WIF1: variants seen among roughly 807,000 people sequenced by gnomAD.
WIF1 encodes Wnt inhibitory factor 1.
In WIF1, 35 loss-of-function variants were observed where a neutral mutation model predicts 53.5. The ratio of observed to expected loss-of-function variants is 0.65; its 90% CI spans 0.50 to 0.87. WIF1 has a LOEUF of 0.87. WIF1 is among the 40% of genes least tolerant of loss of function. WIF1 has a pLI of 0.00. For missense variants in WIF1, 467 were observed against 476.8 expected (o/e 0.98, Z 0.19); for synonymous variants, 171 against 170.4 (o/e 1.00, Z -0.03).
intron 9 of WIF1, among the ~76,000 whole-genome samples, chr12:65,051,777 G>A (rs1017335152): frequency 2.0e-5 from 3 of 152,186 alleles, no homozygotes; most frequent in African/African-American, 4.8e-5. Flanking sequence ...GGGCTGGTAA[G>A]GATCTAGCAT....
chr12:65,064,285 T>C (rs1221946009), intron 6 of WIF1, among the ~76,000 whole-genome samples: 1 of 152,224 alleles, frequency 6.6e-6, no homozygotes, highest in Admixed American at 6.5e-5. Context: ...TTAGTACTTG[T>C]ATGCTATTGT....
intron 2 of WIF1, among the ~76,000 whole-genome samples, chr12:65,100,233 G>A (rs893586525): frequency 6.6e-6 from 1 of 152,036 alleles, no homozygotes; most frequent in Non-Finnish European, 1.5e-5. Context: ...CTATCTGATG[G>A]GTCCCGTGTT....
At chr12:65,120,763 G>T in intron 1 of WIF1, 1 of 799,756 alleles carries the variant, frequency 1.3e-6, no homozygotes, top group Non-Finnish European at 1.9e-6. Flanking sequence ...TCAGGGAAAA[G>T]GGATGGACAT....
At chr12:65,064,310 G>T (rs1882656232) in intron 6 of WIF1, among the ~76,000 whole-genome samples, 1 of 152,206 alleles carries the variant, frequency 6.6e-6, no homozygotes, top group African/African-American at 2.4e-5. Context: ...TCATGAGCAA[G>T]CTTCTCTACA....
chr12:65,117,738 T>C (rs1883534290), intron 2 of WIF1, among the ~76,000 whole-genome samples: 4 of 152,188 alleles, frequency 2.6e-5, no homozygotes, highest in African/African-American at 9.7e-5. Flanking sequence ...CGATAGATCA[T>C]CAGGCATTTG....
intron 6 of WIF1, among the ~76,000 whole-genome samples, chr12:65,065,847 C>T (rs1017252440): frequency 2.6e-5 from 4 of 152,196 alleles, no homozygotes; most frequent in Middle Eastern, 3.4e-3. Flanking sequence ...GAGTATGAAT[C>T]GTTCAGCAAT....
intron 2 of WIF1, among the ~76,000 whole-genome samples, chr12:65,081,558 T>C (rs9971790): frequency 0.03 from 4,612 of 152,236 alleles, 238 homozygotes; most frequent in African/African-American, 0.11. Context: ...TCTGATCTAA[T>C]CAATAACACA....
intron 4 of WIF1, 66 bp from the exon 5 acceptor site, chr12:65,067,856 G>T: frequency 2.9e-6 from 4 of 1,372,032 alleles, no homozygotes; most frequent in Non-Finnish European, 3.1e-6. Flanking sequence ...ATCACAGCCA[G>T]TGTGAGACAG....
intron 2 of WIF1, among the ~76,000 whole-genome samples, chr12:65,115,939 A>T (rs190572222): frequency 6.6e-6 from 1 of 152,234 alleles, no homozygotes; most frequent in Non-Finnish European, 1.5e-5. Flanking sequence ...TTGTTGAGTG[A>T]TAAGTAGTGT....
At chr12:65,118,311 C>T (rs1430600425) in intron 2 of WIF1, among the ~76,000 whole-genome samples, 2 of 152,088 alleles carry the variant, frequency 1.3e-5, no homozygotes, top group Non-Finnish European at 2.9e-5. Context: ...GTCATTTTTC[C>T]CATCTTCAGA....
chr12:65,054,843 T>C (rs535231100), intron 9 of WIF1, among the ~76,000 whole-genome samples: 1 of 152,188 alleles, frequency 6.6e-6, no homozygotes, highest in Non-Finnish European at 1.5e-5. Flanking sequence ...AAAATATTTG[T>C]GATATTTTAC....
intron 2 of WIF1, among the ~76,000 whole-genome samples, chr12:65,092,338 G>A (rs1347399145): frequency 1.3e-5 from 2 of 151,638 alleles, no homozygotes; most frequent in East Asian, 1.9e-4. Context: ...TGTAGATGAC[G>A]GGTTGATGGG....
intron 2 of WIF1, among the ~76,000 whole-genome samples, chr12:65,093,282 T>C (rs1419033672): frequency 3.2e-4 from 48 of 152,162 alleles, no homozygotes; most frequent in Non-Finnish European, 5.9e-5. Flanking sequence ...GCATTTTGCT[T>C]CTTTGGTGCA....
intron 2 of WIF1, among the ~76,000 whole-genome samples, chr12:65,104,721 C>T (rs1381943572): frequency 3.3e-5 from 5 of 152,164 alleles, no homozygotes; most frequent in Non-Finnish European, 4.4e-5. Context: ...CCTCCTTCCA[C>T]CCCACCACCT....
intron 8 of WIF1, 110 bp downstream of exon 8, chr12:65,055,921 T>C: frequency 1.1e-6 from 1 of 920,048 alleles, no homozygotes; most frequent in Non-Finnish European, 1.6e-6. Flanking sequence ...GAAGAAAGGT[T>C]AACTGTGATG....
At chr12:65,118,451 G>T (rs1036911611) in intron 2 of WIF1, among the ~76,000 whole-genome samples, 1 of 152,122 alleles carries the variant, frequency 6.6e-6, no homozygotes, top group African/African-American at 2.4e-5. Context: ...GTATTGTGTA[G>T]ATTCTTCCCC....
intron 3 of WIF1, among the ~76,000 whole-genome samples, chr12:65,076,408 GC>G (rs1355299439): frequency 1.3e-5 from 2 of 152,112 alleles, no homozygotes; most frequent in African/African-American, 4.8e-5. Context: ...ATTACAGTAA[GC>G]CAAGCATTCT....
At chr12:65,056,197 G>A in intron 7 of WIF1, 71 bp from the exon 8 acceptor site, 1 of 1,418,744 alleles carries the variant, frequency 7.0e-7, no homozygotes, top group Admixed American at 1.9e-5. Context: ...ATTTTTCAAA[G>A]GAATTACAAG....
At position 65,121,298 on chromosome 12, in the gene WIF1, T is replaced by C. The variant is rs1022158970; in HGVS notation, c.-107A>G. ...CTGCAGCTCCCTCAGCCAGGGCTGT[T>C]CCCGTTTAGACGGCTGGGCGCGTCG... is the stretch of plus-strand genomic sequence containing the variant. On this transcript the variant is annotated 5_prime_UTR_variant, in exon 1 of 10. Transcript: ENST00000286574. 61 of 1,288,132 alleles carry C rather than the reference T, an allele frequency of 4.7e-5. No homozygotes were observed. The African/African-American group carries it at 7.4e-4, about 16-fold the overall frequency. 79.8% of individuals were successfully genotyped at this position (1,288,132 alleles called of 1,614,324 possible).
Sources: allele counts gnomAD v4.1 joint callset (sites outside exome capture counted in the v4.1 genomes callset), GRCh38; gene constraint gnomAD v4.1.1; transcripts MANE v1.5; gene names NCBI Gene and HGNC (gene_info 2026-07-23, HGNC 2026-07-21).